GRIA4: variants seen among roughly 807,000 people sequenced by gnomAD.
The protein encoded by GRIA4 is glutamate ionotropic receptor AMPA type subunit 4, also known as glutamate receptor 4.
Under a neutral mutation model 104.0 loss-of-function variants are expected in GRIA4, and 34 were observed. That is an observed-to-expected ratio of 0.33 (90% confidence interval 0.25 to 0.44). The LOEUF (loss-of-function observed/expected upper bound fraction) is 0.44, where lower values mean the gene tolerates loss of function less well. Among genes scored for constraint, GRIA4 ranks in the 20% least tolerant of loss-of-function variants. The pLI, the probability that GRIA4 is intolerant of heterozygous loss-of-function variation, is 1.00. For missense variants in GRIA4, 750 were observed against 1,096.5 expected (o/e 0.68, Z 4.46); for synonymous variants, 386 against 381.9 (o/e 1.01, Z -0.13).
At chr11:105,738,261 G>A (rs751297023) in intron 3 of GRIA4, among the ~76,000 whole-genome samples, 2 of 152,100 alleles carry the variant, frequency 1.3e-5, no homozygotes, top group African/African-American at 2.4e-5. Context: ...GATTAATTGG[G>A]CTAAATATCT....
intron 3 of GRIA4, among the ~76,000 whole-genome samples, chr11:105,726,794 T>C (rs928260714): frequency 5.3e-4 from 81 of 151,968 alleles, no homozygotes; most frequent in Non-Finnish European, 2.2e-4. Context: ...AAGTGGGACC[T>C]GACTGTTAGA....
intron 14 of GRIA4, among the ~76,000 whole-genome samples, chr11:105,940,444 G>A (rs902447646): frequency 2.0e-5 from 3 of 152,056 alleles, no homozygotes; most frequent in African/African-American, 4.8e-5. Flanking sequence ...ATAGGTAGAC[G>A]TGGAGAATAT....
At chr11:105,721,630 G>T (rs1937828602) in intron 3 of GRIA4, among the ~76,000 whole-genome samples, 1 of 152,150 alleles carries the variant, frequency 6.6e-6, no homozygotes, top group South Asian at 2.1e-4. Context: ...CCCTAGCAGG[G>T]TTTGCAACCA....
At chr11:105,692,538 C>A (rs1953126553) in intron 3 of GRIA4, among the ~76,000 whole-genome samples, 1 of 152,142 alleles carries the variant, frequency 6.6e-6, no homozygotes, top group South Asian at 2.1e-4. Context: ...TTAAGATGTT[C>A]CCCTTGACAA....
chr11:105,927,336 T>G (rs1263217291), intron 13 of GRIA4, among the ~76,000 whole-genome samples: 29 of 152,134 alleles, frequency 1.9e-4, no homozygotes, highest in Admixed American at 1.9e-3. Flanking sequence ...CTTGCTGCGT[T>G]TGAAACACAA....
intron 5 of GRIA4, among the ~76,000 whole-genome samples, chr11:105,864,334 C>T (rs574332933): frequency 6.6e-6 from 1 of 152,278 alleles, no homozygotes; most frequent in East Asian, 1.9e-4. Context: ...CTAATCCATA[C>T]TTTGTCAGGG....
chr11:105,643,601 T>C (rs538566325), intron 3 of GRIA4, among the ~76,000 whole-genome samples: 14 of 152,334 alleles, frequency 9.2e-5, no homozygotes, highest in African/African-American at 3.4e-4. Flanking sequence ...ATTAGCCTCA[T>C]GAGACTAGTG....
chr11:105,965,196 A>G (rs1948836383), intron 14 of GRIA4, among the ~76,000 whole-genome samples: 1 of 151,974 alleles, frequency 6.6e-6, no homozygotes, highest in African/African-American at 2.4e-5. Flanking sequence ...AATCTAATCT[A>G]GTGGGTTTGT....
At chr11:105,780,175 T>A (rs1941663427) in intron 4 of GRIA4, among the ~76,000 whole-genome samples, 1 of 152,186 alleles carries the variant, frequency 6.6e-6, no homozygotes, top group Non-Finnish European at 1.5e-5. Flanking sequence ...TACACTTTAC[T>A]GCCTACTAAG....
At chr11:105,779,631 A>T (rs533881178) in intron 4 of GRIA4, among the ~76,000 whole-genome samples, 1 of 151,676 alleles carries the variant, frequency 6.6e-6, no homozygotes, top group African/African-American at 2.4e-5. Flanking sequence ...ACTTAAAAGT[A>T]TAATAAAAAA....
rs527834969 is a variant in GRIA4 at position 105,860,976 on chromosome 11, A to G, written c.488-1048A>G. On this transcript the variant is annotated intron_variant, in intron 4 of 16. Coordinates refer to ENST00000282499, the MANE Select transcript of GRIA4 (RefSeq NM_000829.4). Reference sequence around the variant, plus strand: ...TGTCTGAAAAAAAAAAAAAAAAAAAAAGAGAGATGGAAAAAAGGCAGGACA... The same window carrying G: ...TGTCTGAAAAAAAAAAAAAAAAAAAGAGAGAGATGGAAAAAAGGCAGGACA... Among the ~76,000 whole-genome samples the G allele has an allele frequency of 9.7e-3, 1,372 of 142,058 alleles. 21 individuals carry two copies. The highest frequency in any genetic ancestry group is 0.032 in the African/African-American group (1,148 of 35,580). The allele number at this position is 142,058 out of a possible 152,430, so 93.2% of individuals were successfully genotyped here.
At chr11:105,651,198 A>C (rs1951676957) in intron 3 of GRIA4, among the ~76,000 whole-genome samples, 1 of 152,210 alleles carries the variant, frequency 6.6e-6, no homozygotes, top group Admixed American at 6.5e-5. Context: ...CACTGAAAAT[A>C]CCAGTATAAA....
intron 4 of GRIA4, among the ~76,000 whole-genome samples, chr11:105,814,959 G>T (rs749104719): frequency 6.6e-6 from 1 of 152,100 alleles, no homozygotes; most frequent in African/African-American, 2.4e-5. Context: ...GATTGGTTCA[G>T]AGTAGGGCAT....
intron 3 of GRIA4, among the ~76,000 whole-genome samples, chr11:105,729,048 A>C (rs900861012): frequency 1.2e-4 from 19 of 152,280 alleles, no homozygotes; most frequent in African/African-American, 4.6e-4. Flanking sequence ...CACTTCAAAA[A>C]ATCAGTGAAT....
intron 2 of GRIA4, among the ~76,000 whole-genome samples, chr11:105,611,733 A>G (rs1950486340): frequency 6.6e-6 from 1 of 152,030 alleles, no homozygotes; most frequent in South Asian, 2.1e-4. Flanking sequence ...CTGTCTTTTA[A>G]TGGGACGCAG....
chr11:105,789,927 T>A (rs1188450264), intron 4 of GRIA4, among the ~76,000 whole-genome samples: 1 of 152,186 alleles, frequency 6.6e-6, no homozygotes, highest in Non-Finnish European at 1.5e-5. Flanking sequence ...AAGAATAGGC[T>A]GCTTCTTCTG....
chr11:105,863,158 A>G (rs1306336735), intron 5 of GRIA4, among the ~76,000 whole-genome samples: 3 of 152,194 alleles, frequency 2.0e-5, no homozygotes, highest in African/African-American at 7.2e-5. Context: ...TTAGTATTCA[A>G]TTGTAAGAAT....
At chr11:105,753,365 C>G in intron 4 of GRIA4, 145 bp downstream of exon 4, 1 of 746,998 alleles carries the variant, frequency 1.3e-6, no homozygotes, top group South Asian at 1.8e-5. Context: ...TATCTTGACT[C>G]TGGGGAAAAA....
At chr11:105,944,330 A>T (rs1200817695) in intron 14 of GRIA4, among the ~76,000 whole-genome samples, 1 of 152,144 alleles carries the variant, frequency 6.6e-6, no homozygotes, top group Non-Finnish European at 1.5e-5. Context: ...TAAGTTACCC[A>T]AAGTTAAATA....
Sources: gnomAD v4.1 joint callset for allele counts (sites outside exome capture counted in the v4.1 genomes callset) on GRCh38, gnomAD v4.1.1 for gene constraint, MANE v1.5 for transcripts, NCBI Gene and HGNC (gene_info 2026-07-23, HGNC 2026-07-21) for gene names.